Variants in SORCS2 observed in about 807,000 individuals in gnomAD.
SORCS2 encodes the protein VPS10 domain-containing receptor SorCS2.
SORCS2 carries 100 observed loss-of-function variants against 141.6 expected under a neutral mutation model. The observed-to-expected ratio is 0.71, with a 90% confidence interval of 0.60 to 0.83. SORCS2 has a LOEUF of 0.83. SORCS2 is among the 40% of genes least tolerant of loss of function. SORCS2 has a pLI of 0.00. For synonymous variants in SORCS2, 789 were observed against 676.9 expected (o/e 1.17, Z -2.57); for missense variants, 1,646 against 1,560.2 (o/e 1.05, Z -0.93).
At chr4:7,638,610 G>T in intron 4 of SORCS2, 118 bp downstream of exon 4, 1 of 1,073,718 alleles carries the variant, frequency 9.3e-7, no homozygotes, top group South Asian at 1.6e-5. Flanking sequence ...GGCTGAGGAG[G>T]AGCCTCCCGG....
At chr4:7,213,802 C>G (rs1334462247) in intron 1 of SORCS2, among the ~76,000 whole-genome samples, 1 of 152,166 alleles carries the variant, frequency 6.6e-6, no homozygotes, top group East Asian at 1.9e-4. Flanking sequence ...AGACTGGCCT[C>G]CCAAGGGCCC....
intron 4 of SORCS2, among the ~76,000 whole-genome samples, chr4:7,652,598 C>A (rs766885274): frequency 2.0e-5 from 3 of 152,146 alleles, no homozygotes; most frequent in African/African-American, 7.2e-5. Context: ...ATCCAAGAAC[C>A]CTCTCACCCT....
At chr4:7,629,051 C>T (rs990655845) in intron 3 of SORCS2, among the ~76,000 whole-genome samples, 1 of 152,068 alleles carries the variant, frequency 6.6e-6, no homozygotes, top group African/African-American at 2.4e-5. Context: ...AGGAGCTGGT[C>T]ATCTGGAGTT....
At chr4:7,472,630 G>A (rs935000333) in intron 2 of SORCS2, among the ~76,000 whole-genome samples, 9 of 152,158 alleles carry the variant, frequency 5.9e-5, no homozygotes, top group South Asian at 2.1e-4. Flanking sequence ...CACACGCCGC[G>A]CTTCTGGGAA....
rs1711671843 is a variant in SORCS2 at position 7,229,641 on chromosome 4, C to T, written c.480+36515C>T. Among the ~76,000 whole-genome samples, 3 of 152,264 alleles carry T rather than the reference C, an allele frequency of 2.0e-5. No homozygotes were observed. In the South Asian group the frequency reaches 6.2e-4, roughly 32 times the overall value. On this transcript the variant is annotated intron_variant, in intron 1 of 26. Transcript: ENST00000507866. Reference sequence around the variant, plus strand: ...ATAGAGGGCTGAGGTCACTCCGAGGCTGAAAAAGGGCCTAAGAGCTTCTGT... The same window carrying T: ...ATAGAGGGCTGAGGTCACTCCGAGGTTGAAAAAGGGCCTAAGAGCTTCTGT...
rs574860080 is a variant in SORCS2, at chr4:7,282,844, C to T, written c.480+89718C>T. On this transcript the variant is annotated intron_variant, in intron 1 of 26. Coordinates refer to ENST00000507866, the MANE Select transcript of SORCS2 (RefSeq NM_020777.3). Reference sequence around the variant, plus strand: ...GGGACCCAGGGCTGTCATCAGCAAACGCCACCCACTAAGATGCTTGTCTGT... The same window carrying T: ...GGGACCCAGGGCTGTCATCAGCAAATGCCACCCACTAAGATGCTTGTCTGT... Among the ~76,000 whole-genome samples, 7 of 152,230 alleles carry T rather than the reference C, an allele frequency of 4.6e-5. No homozygotes were observed. In the South Asian group the frequency reaches 8.3e-4, roughly 18 times the overall value.
At chr4:7,419,286 G>A (rs1360855822) in intron 2 of SORCS2, among the ~76,000 whole-genome samples, 1 of 152,124 alleles carries the variant, frequency 6.6e-6, no homozygotes, top group Admixed American at 6.5e-5. Flanking sequence ...GGTCCTGAGG[G>A]CAAAGCTAGG....
At chr4:7,543,794 A>T in intron 3 of SORCS2, among the ~76,000 whole-genome samples, 1 of 48,522 alleles carries the variant, frequency 2.1e-5, no homozygotes, top group African/African-American at 4.8e-5. Flanking sequence ...TCATCCATCC[A>T]TCCATCCATC....
At chr4:7,368,588 C>T (rs537570872) in intron 1 of SORCS2, among the ~76,000 whole-genome samples, 2 of 152,320 alleles carry the variant, frequency 1.3e-5, no homozygotes, top group Non-Finnish European at 2.9e-5. Context: ...GGTCACAACC[C>T]CAGGTGTAAC....
chr4:7,649,702 C>G (rs151213438), intron 4 of SORCS2, among the ~76,000 whole-genome samples: 444 of 152,112 alleles, frequency 2.9e-3, no homozygotes, highest in African/African-American at 0.01. Context: ...GGCGGGCTTC[C>G]AGGAGGAGGG....
At chr4:7,439,711 G>T (rs1727536349) in intron 2 of SORCS2, among the ~76,000 whole-genome samples, 1 of 152,190 alleles carries the variant, frequency 6.6e-6, no homozygotes, top group Non-Finnish European at 1.5e-5. Context: ...CAGGCATGTT[G>T]TTCCCACAAC....
At chr4:7,265,584 A>T (rs1714671444) in intron 1 of SORCS2, among the ~76,000 whole-genome samples, 1 of 152,096 alleles carries the variant, frequency 6.6e-6, no homozygotes, top group Non-Finnish European at 1.5e-5. Flanking sequence ...ATGGCTCCAG[A>T]TGTTCCCAGG....
intron 2 of SORCS2, among the ~76,000 whole-genome samples, chr4:7,513,209 A>G (rs1732769459): frequency 6.6e-6 from 1 of 152,184 alleles, no homozygotes; most frequent in South Asian, 2.1e-4. Flanking sequence ...AATGTGAGAG[A>G]GCGCTACAGA....
At chr4:7,615,288 G>C (rs1718687685) in intron 3 of SORCS2, among the ~76,000 whole-genome samples, 1 of 152,246 alleles carries the variant, frequency 6.6e-6, no homozygotes, top group African/African-American at 2.4e-5. Flanking sequence ...TGGAACTTAA[G>C]CTTGAAGTCA....
At chr4:7,308,563 T>C (rs1319034401) in intron 1 of SORCS2, among the ~76,000 whole-genome samples, 1 of 152,134 alleles carries the variant, frequency 6.6e-6, no homozygotes, top group Non-Finnish European at 1.5e-5. Context: ...GTTTGGTAAC[T>C]TGAATGAAGG....
chr4:7,318,594 G>T (rs909924396), intron 1 of SORCS2, among the ~76,000 whole-genome samples: 2 of 152,166 alleles, frequency 1.3e-5, no homozygotes, highest in Non-Finnish European at 1.5e-5. Context: ...CCTATGTTGG[G>T]AGAAAGATTA....
At chr4:7,256,912 C>T (rs975276122) in intron 1 of SORCS2, among the ~76,000 whole-genome samples, 6 of 152,010 alleles carry the variant, frequency 3.9e-5, no homozygotes, top group African/African-American at 9.7e-5. Context: ...GTGTGGGCAC[C>T]GGCCCCAGCC....
Position 7,733,365 on chromosome 4 carries a change from G to C in SORCS2, c.3152G>C (p.Ser1051Thr), listed in dbSNP as rs1300497689. ...CAGGTGCTGAACGCACAGAAGATCAGCTTCCTCCTGCGAGGCGGAGTCCGG... is the reference window on the plus strand; with the variant it reads ...CAGGTGCTGAACGCACAGAAGATCACCTTCCTCCTGCGAGGCGGAGTCCGG... ...IQQVLNAQKI[S>T]FLLRGGVRVL... The change falls in exon 24 of 27, where the codon AGC becomes ACC. Residue 1051 changes from serine to threonine, a missense_variant. Coordinates refer to ENST00000507866, the MANE Select transcript of SORCS2 (RefSeq NM_020777.3). The C allele has an allele frequency of 3.2e-6, 5 of 1,583,772 alleles. No individual in the cohort carries two copies. The highest frequency in any genetic ancestry group is 1.3e-5 in the African/African-American group (1 of 74,424).
intron 1 of SORCS2, among the ~76,000 whole-genome samples, chr4:7,208,885 G>A (rs1054436354): frequency 2.6e-5 from 4 of 152,212 alleles, no homozygotes; most frequent in East Asian, 1.9e-4. Context: ...TCTGTGTGAC[G>A]CCAACCTGGC....
Sources: gnomAD v4.1 joint callset for allele counts (sites outside exome capture counted in the v4.1 genomes callset) on GRCh38, gnomAD v4.1.1 for gene constraint, MANE v1.5 for transcripts, NCBI Gene and HGNC (gene_info 2026-07-23, HGNC 2026-07-21) for gene names.